Variants in NSUN6 observed in about 807,000 individuals in gnomAD.
The protein encoded by NSUN6 is NOP2/Sun RNA methyltransferase 6, also known as tRNA (cytosine(72)-C(5))-methyltransferase NSUN6.
Under a neutral mutation model 58.0 loss-of-function variants are expected in NSUN6, and 64 were observed. The ratio of observed to expected loss-of-function variants is 1.10; its 90% CI spans 0.90 to 1.36. The LOEUF (loss-of-function observed/expected upper bound fraction) is 1.36. Ranked by LOEUF, NSUN6 falls within the 40% of genes most tolerant of loss-of-function variation. NSUN6 has a pLI of 0.00. For missense variants in NSUN6, 701 were observed against 550.1 expected (o/e 1.27, Z -2.74); for synonymous variants, 231 against 193.9 (o/e 1.19, Z -1.59).
intron 3 of NSUN6, among the ~76,000 whole-genome samples, chr10:18,634,492 C>T (rs1317825582): frequency 1.3e-5 from 2 of 152,044 alleles, no homozygotes; most frequent in African/African-American, 2.4e-5. Flanking sequence ...TGGCTCACGC[C>T]TATAATCCCT....
chr10:18,644,119 T>C (rs984540560), intron 2 of NSUN6, among the ~76,000 whole-genome samples: 5 of 152,206 alleles, frequency 3.3e-5, no homozygotes, highest in Non-Finnish European at 5.9e-5. Context: ...TTTAGACAAT[T>C]TCCATCATCC....
intron 8 of NSUN6, among the ~76,000 whole-genome samples, chr10:18,583,050 GAAAAACCACAGCC>G (rs1456275579): frequency 1.3e-5 from 2 of 152,116 alleles, no homozygotes; most frequent in Admixed American, 6.5e-5. Flanking sequence ...AGCAGTCAAA[GAAAAACCACAGCC>G]AAAAACCACA....
chr10:18,550,543 T>C (rs2054535079), intron 9 of NSUN6, among the ~76,000 whole-genome samples: 1 of 152,142 alleles, frequency 6.6e-6, no homozygotes, highest in South Asian at 2.1e-4. Flanking sequence ...CTGAGTCATT[T>C]TTGAAAGACT....
chr10:18,656,495 C>G (rs1303862064), upstream of NSUN6, among the ~76,000 whole-genome samples: 2 of 152,136 alleles, frequency 1.3e-5, no homozygotes, highest in African/African-American at 2.4e-5. Context: ...TGAGATCACA[C>G]AACTGCACTC....
chr10:18,575,731 A>G (rs1310039360), intron 8 of NSUN6, among the ~76,000 whole-genome samples: 10 of 152,194 alleles, frequency 6.6e-5, no homozygotes, highest in Non-Finnish European at 1.5e-4. Flanking sequence ...TGCACCACGG[A>G]AAGATACTGG....
chr10:18,601,794 A>T (rs1028808476), intron 6 of NSUN6, among the ~76,000 whole-genome samples: 1 of 152,110 alleles, frequency 6.6e-6, no homozygotes, highest in East Asian at 2.0e-4. Flanking sequence ...CAACCTGGCC[A>T]ACATGGTCCC....
At chr10:18,634,106 T>C (rs1216457561) in intron 3 of NSUN6, among the ~76,000 whole-genome samples, 1 of 152,226 alleles carries the variant, frequency 6.6e-6, no homozygotes, top group Non-Finnish European at 1.5e-5. Flanking sequence ...TCATTCTGCA[T>C]TCATTGGTGG....
At chr10:18,571,729 CACATT>C (rs1184730157) in intron 8 of NSUN6, among the ~76,000 whole-genome samples, 42 of 150,696 alleles carry the variant, frequency 2.8e-4, no homozygotes, top group African/African-American at 9.3e-4. Context: ...TATTCCATTC[CACATT>C]CCATTCCATT....
intron 2 of NSUN6, among the ~76,000 whole-genome samples, chr10:18,647,725 GTTTTTTTTTTTTT>G (rs571301351): frequency 3.0e-5 from 3 of 100,094 alleles, no homozygotes; most frequent in African/African-American, 4.0e-5. Context: ...TCAACACCTT[GTTTTTTTTTTTTT>G]TTTTTTTTTT....
chr10:18,572,604 C>G (rs2056432606), intron 8 of NSUN6, among the ~76,000 whole-genome samples: 1 of 150,944 alleles, frequency 6.6e-6, no homozygotes, highest in Non-Finnish European at 1.5e-5. Flanking sequence ...ATTCCATTCT[C>G]CATTTCATTC....
At chr10:18,573,281 T>TTCTCC (rs1338276289) in intron 8 of NSUN6, among the ~76,000 whole-genome samples, 1 of 151,124 alleles carries the variant, frequency 6.6e-6, no homozygotes, top group East Asian at 2.0e-4. Flanking sequence ...CCATTCTGCA[T>TTCTCC]ACTCCATCCC....
chr10:18,581,142 G>A (rs2056886614), intron 8 of NSUN6, among the ~76,000 whole-genome samples: 1 of 152,076 alleles, frequency 6.6e-6, no homozygotes, highest in Non-Finnish European at 1.5e-5. Context: ...GCACTTGGGA[G>A]GGGAGCGTGC....
intron 8 of NSUN6, among the ~76,000 whole-genome samples, chr10:18,577,129 G>GTCTGTAGCCCCT (rs1435931778): frequency 6.6e-6 from 1 of 152,200 alleles, no homozygotes; most frequent in African/African-American, 2.4e-5. Context: ...GCTGTTAAAG[G>GTCTGTAGCCCCT]AATAGCTGAG....
chr10:18,653,804 A>G (rs1383069655), upstream of NSUN6, among the ~76,000 whole-genome samples: 2 of 152,236 alleles, frequency 1.3e-5, no homozygotes, highest in African/African-American at 4.8e-5. Flanking sequence ...GATATGTGCT[A>G]TGTAAGCAAA....
intron 8 of NSUN6, among the ~76,000 whole-genome samples, chr10:18,583,725 A>G (rs967048471): frequency 6.6e-6 from 1 of 152,208 alleles, no homozygotes; most frequent in Non-Finnish European, 1.5e-5. Context: ...TGAAAGTACA[A>G]TTCTTAAAAA....
chr10:18,619,018 A>C (rs2058510339), intron 3 of NSUN6, among the ~76,000 whole-genome samples: 1 of 152,192 alleles, frequency 6.6e-6, no homozygotes, highest in African/African-American at 2.4e-5. Context: ...TGATCTTGGA[A>C]GAAAACTGTT....
intron 2 of NSUN6, among the ~76,000 whole-genome samples, chr10:18,643,378 T>C (rs532302674): frequency 3.3e-5 from 5 of 151,904 alleles, no homozygotes; most frequent in Admixed American, 6.6e-5. Context: ...GTCTGCCTCG[T>C]AGGTTAGGGT....
intron 3 of NSUN6, among the ~76,000 whole-genome samples, chr10:18,639,693 A>G (rs1310340060): frequency 6.6e-6 from 1 of 152,210 alleles, no homozygotes; most frequent in Non-Finnish European, 1.5e-5. Context: ...AGATCACTAC[A>G]AAGAACAGAA....
At chr10:18,630,869 T>C (rs983681254) in intron 3 of NSUN6, among the ~76,000 whole-genome samples, 1 of 151,734 alleles carries the variant, frequency 6.6e-6, no homozygotes, top group Admixed American at 6.6e-5. Flanking sequence ...TTCCAATCAA[T>C]AGAAAAAGAG....
Sources: allele counts gnomAD v4.1 joint callset (sites outside exome capture counted in the v4.1 genomes callset), GRCh38; gene constraint gnomAD v4.1.1; transcripts MANE v1.5; gene names NCBI Gene and HGNC (gene_info 2026-07-23, HGNC 2026-07-21).